The following SEC14L1 variants were observed in gnomAD, a reference collection of about 807,000 sequenced individuals.
SEC14L1 encodes SEC14-like protein 1.
A neutral mutation model predicts 85.3 loss-of-function variants in SEC14L1; 48 were observed. The ratio of observed to expected loss-of-function variants is 0.56; its 90% CI spans 0.45 to 0.72. The LOEUF is 0.72. Ranked by LOEUF, SEC14L1 falls within the 30% of genes least tolerant of loss-of-function variation. SEC14L1 has a pLI of 0.00. For synonymous variants in SEC14L1, 391 were observed against 355.5 expected (o/e 1.10, Z -1.12); for missense variants, 682 against 921.4 (o/e 0.74, Z 3.36).
chr17:77,107,962 T>C (rs1045429667), intron 3 of SEC14L1, among the ~76,000 whole-genome samples: 1 of 152,122 alleles, frequency 6.6e-6, no homozygotes, highest in African/African-American at 2.4e-5. Flanking sequence ...CAGGCTGGTC[T>C]CAAACTCCTG....
intron 3 of SEC14L1, among the ~76,000 whole-genome samples, chr17:77,182,411 A>C (rs1189351114): frequency 6.6e-6 from 1 of 152,134 alleles, no homozygotes; most frequent in East Asian, 1.9e-4. Context: ...GGGTGTAGGA[A>C]GGTGGGAGGA....
rs1384837135 is a variant in SEC14L1, at chr17:77,213,045, G to A, written c.1864-269G>A. On this transcript the variant is annotated intron_variant, in intron 15 of 16. Transcript: ENST00000436233. The surrounding 1 kb of genome is among the most constrained non-coding windows in gnomAD (Gnocchi z 7.1). ...CTGCCAGGCTCCTGCCTCCGTAGGTGGGGTGGGCTGGGCAGGCCTCGTGAG... is the reference window on the plus strand; with the variant it reads ...CTGCCAGGCTCCTGCCTCCGTAGGTAGGGTGGGCTGGGCAGGCCTCGTGAG... Among the ~76,000 whole-genome samples the A allele has an allele frequency of 6.6e-6, 1 of 152,264 alleles. No homozygotes were observed. The highest frequency in any genetic ancestry group is 1.5e-5 in the Non-Finnish European group (1 of 68,040).
At chr17:77,089,046 A>G (rs1250930597) in intron 1 of SEC14L1, 3 of 186,034 alleles carry the variant, frequency 1.6e-5, no homozygotes, top group African/African-American at 7.2e-5. Flanking sequence ...TAGCCAGCAG[A>G]AAAGCATTGG....
intron 3 of SEC14L1, among the ~76,000 whole-genome samples, chr17:77,108,003 C>T (rs1343223128): frequency 6.6e-6 from 1 of 152,118 alleles, no homozygotes; most frequent in Non-Finnish European, 1.5e-5. Context: ...CTCCGCCTCC[C>T]AAAGTGTTAA....
intron 3 of SEC14L1, among the ~76,000 whole-genome samples, chr17:77,113,864 G>T (rs1485564907): frequency 6.6e-6 from 1 of 152,186 alleles, no homozygotes; most frequent in Non-Finnish European, 1.5e-5. Flanking sequence ...AAACCATTTA[G>T]ATGAGAAGTG....
chr17:77,193,160 A>G (rs1975626264), intron 5 of SEC14L1, among the ~76,000 whole-genome samples: 1 of 152,266 alleles, frequency 6.6e-6, no homozygotes, highest in South Asian at 2.1e-4. Flanking sequence ...TGAATGAAGC[A>G]AGAATGAAAA....
chr17:77,158,798 C>T (rs1205638038), intron 3 of SEC14L1, among the ~76,000 whole-genome samples: 2 of 39,182 alleles, frequency 5.1e-5, no homozygotes, highest in Non-Finnish European at 4.5e-5. Flanking sequence ...GCTTTCTTTC[C>T]TTTTTTTTTT....
chr17:77,150,526 A>G (rs749365816), intron 3 of SEC14L1, among the ~76,000 whole-genome samples: 2 of 152,134 alleles, frequency 1.3e-5, no homozygotes, highest in Non-Finnish European at 2.9e-5. Context: ...ATCCATTCCA[A>G]TTTCATATAC....
chr17:77,200,173 G>A lies in SEC14L1; in HGVS notation c.820-311G>A, dbSNP rs531119073. On this transcript the variant is annotated intron_variant, in intron 8 of 16. Coordinates refer to ENST00000436233, the MANE Select transcript of SEC14L1 (RefSeq NM_001143998.2). ...AGAATAAGAGTCCCTGTCTCCAAAA[G>A]AAAAGTGGGAATTTTAGGGTCTTAT... 1.4e-4 allele frequency among the ~76,000 whole-genome samples: 21 copies of A among 152,258 alleles called. No individual in the cohort carries two copies. In the East Asian group the frequency reaches 2.3e-3, roughly 17 times the overall value.
At chr17:77,190,716 G>A in intron 3 of SEC14L1, 87 bp from the exon 4 acceptor site, 3 of 1,394,986 alleles carry the variant, frequency 2.2e-6, no homozygotes, top group African/African-American at 1.4e-5. Flanking sequence ...GCACCGAGAG[G>A]TGCTGTTCCA....
intron 2 of SEC14L1, among the ~76,000 whole-genome samples, chr17:77,092,596 T>C (rs953897350): frequency 9.2e-5 from 14 of 152,114 alleles, no homozygotes; most frequent in Admixed American, 9.2e-4. Context: ...TTCAAGTGGC[T>C]TTTTTAACAA....
Position 77,173,971 on chromosome 17 carries a change from G to A in SEC14L1, c.64-16832G>A, listed in dbSNP as rs60043173. Among the ~76,000 whole-genome samples the A allele has an allele frequency of 3.8e-3, 573 of 151,580 alleles. 6 individuals are homozygous for A. Among genetic ancestry groups the A allele is most frequent in the African/African-American group, 0.013 (546 of 41,320 alleles). Reference sequence around the variant, plus strand: ...GCAGGAGTGCAATGGCACGATCTCCGCTCACTGCAGCCTCTGCCTCCTGGG... The same window carrying A: ...GCAGGAGTGCAATGGCACGATCTCCACTCACTGCAGCCTCTGCCTCCTGGG... On this transcript the variant is annotated intron_variant, in intron 3 of 16. Transcript: ENST00000436233.
At chr17:77,147,605 C>T (rs1005545748) in intron 3 of SEC14L1, among the ~76,000 whole-genome samples, 3 of 152,076 alleles carry the variant, frequency 2.0e-5, no homozygotes, top group South Asian at 4.1e-4. Context: ...CAGGTAGTGC[C>T]GAGATCTGAT....
intron 3 of SEC14L1, among the ~76,000 whole-genome samples, chr17:77,146,369 C>T (rs745795541): frequency 1.3e-5 from 2 of 152,188 alleles, no homozygotes; most frequent in African/African-American, 2.4e-5. Flanking sequence ...CTTTGCCAAA[C>T]GTTAGATTTA....
chr17:77,168,111 A>C (rs1032571647), intron 3 of SEC14L1, among the ~76,000 whole-genome samples: 2 of 152,136 alleles, frequency 1.3e-5, no homozygotes, highest in African/African-American at 2.4e-5. Context: ...AGGGGGTAGG[A>C]GTGGTCTGTC....
intron 3 of SEC14L1, among the ~76,000 whole-genome samples, chr17:77,124,632 T>A (rs1427852866): frequency 6.6e-6 from 1 of 152,228 alleles, no homozygotes; most frequent in Non-Finnish European, 1.5e-5. Context: ...GACCTAAATA[T>A]TTAAAGGCTT....
At chr17:77,145,927 C>T (rs903098370) in intron 3 of SEC14L1, among the ~76,000 whole-genome samples, 105 of 152,234 alleles carry the variant, frequency 6.9e-4, no homozygotes, top group African/African-American at 2.3e-3. Flanking sequence ...AGCTCGAGGA[C>T]GTGCTTAGCT....
intron 2 of SEC14L1, among the ~76,000 whole-genome samples, chr17:77,092,864 C>A (rs1033340512): frequency 1.3e-5 from 2 of 149,162 alleles, no homozygotes. Context: ...AGGAGAATTG[C>A]TTGAACCCGG....
intron 15 of SEC14L1, 121 bp downstream of exon 15, chr17:77,212,322 TG>T: frequency 7.2e-7 from 1 of 1,397,372 alleles, no homozygotes; most frequent in Non-Finnish European, 9.7e-7. Flanking sequence ...AGGCCCTGCT[TG>T]TGGAGGAGCA....
Sources: gnomAD v4.1 joint callset for allele counts (sites outside exome capture counted in the v4.1 genomes callset) on GRCh38, gnomAD v4.1.1 for gene constraint, Gnocchi (gnomAD v3.1) non-coding constraint, MANE v1.5 for transcripts, NCBI Gene and HGNC (gene_info 2026-07-23, HGNC 2026-07-21) for gene names.